SEMA4F: variants seen among roughly 807,000 people sequenced by gnomAD.
SEMA4F encodes the protein ssemaphorin 4F, also known as semaphorin-4F.
A neutral mutation model predicts 78.4 loss-of-function variants in SEMA4F; 51 were observed. The ratio of observed to expected loss-of-function variants is 0.65; its 90% CI spans 0.52 to 0.82. SEMA4F has a LOEUF of 0.82. SEMA4F is among the 40% of genes least tolerant of loss of function. The pLI is 0.00. For missense variants in SEMA4F, 938 were observed against 1,014.4 expected (o/e 0.92, Z 1.02); for synonymous variants, 418 against 408.7 (o/e 1.02, Z -0.27).
At chr2:74,673,372 T>G in intron 5 of SEMA4F, 85 bp from the exon 6 acceptor site, 1 of 1,549,902 alleles carries the variant, frequency 6.5e-7, no homozygotes, top group Admixed American at 1.7e-5. Flanking sequence ...GTCGCTGCCC[T>G]GCTTTATGCC....
rs1275328155 is a variant in SEMA4F, at chr2:74,675,518, C to T, written c.1373-7C>T. 2 of 1,612,222 alleles carry T rather than the reference C, an allele frequency of 1.2e-6. No individual in the cohort carries two copies. The highest frequency in any genetic ancestry group is 1.7e-6 in the Non-Finnish European group (2 of 1,178,386). Reference sequence around the variant, plus strand: ...GTAATTATTCTTGTTCCTTTCCTGTCCCCTAGAGGATGGACACCTCCACCG... The same window carrying T: ...GTAATTATTCTTGTTCCTTTCCTGTTCCCTAGAGGATGGACACCTCCACCG... On this transcript the variant is annotated splice_polypyrimidine_tract_variant and splice_region_variant and intron_variant, in intron 10 of 13. Coordinates refer to ENST00000357877, the MANE Select transcript of SEMA4F (RefSeq NM_004263.5).
chr2:74,689,999 C>T, the SEMA4F span, among the ~76,000 whole-genome samples: 6 of 152,292 alleles, frequency 3.9e-5, no homozygotes, highest in Admixed American at 1.3e-4. Context: ...TCCCTCCTTC[C>T]GGATGAGAGT....
the SEMA4F span, among the ~76,000 whole-genome samples, chr2:74,704,111 C>A: frequency 2.0e-5 from 3 of 151,952 alleles, no homozygotes; most frequent in African/African-American, 4.8e-5. Flanking sequence ...TCCAAAGAGT[C>A]AAGTACATTA....
At chr2:74,663,969 A>T (rs1018615550) in intron 5 of SEMA4F, among the ~76,000 whole-genome samples, 5 of 152,202 alleles carry the variant, frequency 3.3e-5, no homozygotes, top group Non-Finnish European at 5.9e-5. Context: ...TCCTGCTAGT[A>T]CTTCTTTTGA....
chr2:74,655,316 T>C, intron 1 of SEMA4F: 1 of 402,546 alleles, frequency 2.5e-6, no homozygotes. Flanking sequence ...TGAAAAGATG[T>C]GGAAGAAGCT....
the SEMA4F span, among the ~76,000 whole-genome samples, chr2:74,705,900 G>A: frequency 3.3e-5 from 5 of 152,034 alleles, no homozygotes; most frequent in East Asian, 5.8e-4. Context: ...CAAAAGATAT[G>A]TATCAATTTA....
At chr2:74,655,684 A>G (rs910725129) in intron 1 of SEMA4F, among the ~76,000 whole-genome samples, 2 of 152,188 alleles carry the variant, frequency 1.3e-5, no homozygotes, top group African/African-American at 4.8e-5. Flanking sequence ...AGATGTCTAG[A>G]TGGCAAGCAA....
At chr2:74,674,709 G>T in intron 8 of SEMA4F, 33 bp downstream of exon 8, 1 of 1,607,176 alleles carries the variant, frequency 6.2e-7, no homozygotes, top group Non-Finnish European at 8.5e-7. Flanking sequence ...AGAGTTACAG[G>T]GTGGGAGATA....
rs2105039768 is a variant in SEMA4F at position 74,683,701 on chromosome 2, G to A, written c.*3492G>A. On this transcript the variant is annotated 3_prime_UTR_variant, in exon 14 of 14. Coordinates refer to ENST00000357877, the MANE Select transcript of SEMA4F (RefSeq NM_004263.5). ...CCAGAGGATTTTCTGCCCTTTGCTG[G>A]GAGCCACATGAGCCCCCTGGATTCA... 6.6e-6 allele frequency: 1 copy of A among 152,226 alleles called. No individual in the cohort carries two copies. The highest frequency in any genetic ancestry group is 2.1e-4 in the South Asian group (1 of 4,810). The allele number at this position is 152,226 out of a possible 1,614,324, so 9.4% of individuals were successfully genotyped here.
chr2:74,686,816 G>A (rs1685832182), downstream of SEMA4F, among the ~76,000 whole-genome samples: 1 of 150,168 alleles, frequency 6.7e-6, no homozygotes, highest in African/African-American at 2.5e-5. Context: ...TCATAAATGG[G>A]AGTTGAACAA....
intron 1 of SEMA4F, 123 bp from the exon 2 acceptor site, chr2:74,656,410 TC>T (rs1379226538): frequency 4.7e-6 from 4 of 856,276 alleles, no homozygotes; most frequent in Non-Finnish European, 5.5e-6. Context: ...GCTGTGTTTC[TC>T]CCCCATGGCT....
chr2:74,674,763 C>A, intron 8 of SEMA4F, 87 bp downstream of exon 8: 1 of 1,554,010 alleles, frequency 6.4e-7, no homozygotes, highest in South Asian at 1.2e-5. Context: ...CCAGAGGGGG[C>A]AGGCTCTCCC....
downstream of SEMA4F, among the ~76,000 whole-genome samples, chr2:74,685,385 T>G (rs1685799510): frequency 1.3e-5 from 2 of 152,114 alleles, no homozygotes; most frequent in East Asian, 1.9e-4. Context: ...AGGATTATTT[T>G]TCTTCCATTA....
chr2:74,695,656 A>G, the SEMA4F span, among the ~76,000 whole-genome samples: 1 of 152,258 alleles, frequency 6.6e-6, no homozygotes, highest in East Asian at 1.9e-4. Flanking sequence ...TTATATGACC[A>G]AATTGCTTTC....
the SEMA4F span, among the ~76,000 whole-genome samples, chr2:74,698,030 G>T: frequency 6.6e-6 from 1 of 152,194 alleles, no homozygotes; most frequent in Non-Finnish European, 1.5e-5. Context: ...TCAGGATCAG[G>T]ACTGTTTGGA....
At chr2:74,663,872 G>A (rs906083562) in intron 5 of SEMA4F, among the ~76,000 whole-genome samples, 7 of 152,236 alleles carry the variant, frequency 4.6e-5, no homozygotes, top group East Asian at 1.9e-4. Context: ...ATATTAATGT[G>A]TGTGCACACC....
At chr2:74,703,608 C>G in the SEMA4F span, among the ~76,000 whole-genome samples, 157 of 152,276 alleles carry the variant, frequency 1.0e-3, no homozygotes, top group Non-Finnish European at 1.5e-3. Context: ...GGGGAGATAC[C>G]GTAACGGGCA....
chr2:74,676,962 C>T lies in SEMA4F; in HGVS notation c.1643+1053C>T, dbSNP rs375362723. ...TGTCGCCCAGGCTGGGGTACAGTGA[C>T]GCCATCTCGGCTCACTGCAACCTCT... On this transcript the variant is annotated intron_variant, in intron 12 of 13. Transcript: ENST00000357877. Among the ~76,000 whole-genome samples the T allele has an allele frequency of 1.3e-3, 201 of 152,188 alleles. 2 individuals are homozygous for T. The highest frequency in any genetic ancestry group is 4.5e-3 in the African/African-American group (185 of 41,500).
chr2:74,663,090 A>G (rs193163140), intron 5 of SEMA4F, among the ~76,000 whole-genome samples: 364 of 152,144 alleles, frequency 2.4e-3, no homozygotes, highest in South Asian at 0.013. Flanking sequence ...TTCTTTTCTC[A>G]TAGTGTTTTT....
Sources: gnomAD v4.1 joint callset for allele counts (sites outside exome capture counted in the v4.1 genomes callset) on GRCh38, gnomAD v4.1.1 for gene constraint, MANE v1.5 for transcripts, NCBI Gene and HGNC (gene_info 2026-07-23, HGNC 2026-07-21) for gene names.